ZGRF1: variants seen among roughly 807,000 people sequenced by gnomAD.
The protein encoded by ZGRF1 is zinc finger GRF-type containing 1.
ZGRF1 carries 196 observed loss-of-function variants against 203.5 expected under a neutral mutation model. That is an observed-to-expected ratio of 0.96 (90% CI 0.86 to 1.08). The LOEUF (loss-of-function observed/expected upper bound fraction) is 1.08. ZGRF1 is among the 50% of genes least tolerant of loss of function. The probability of loss-of-function intolerance (pLI) is 0.00; values close to 1 mark genes in which losing one functional copy is unlikely to be tolerated. For missense variants in ZGRF1, 2,326 were observed against 2,416.3 expected, an observed-to-expected ratio of 0.96 and a Z score of 0.78; for synonymous variants, 809 against 841.3, an observed-to-expected ratio of 0.96 and a Z score of 0.66.
At chr4:112,627,776 G>A (rs1302473373) in intron 3 of ZGRF1, among the ~76,000 whole-genome samples, 1 of 152,154 alleles carries the variant, frequency 6.6e-6, no homozygotes, top group Non-Finnish European at 1.5e-5. Flanking sequence ...AATATGATAT[G>A]TCACTCTTCT....
At position 112,541,197 on chromosome 4, in the gene ZGRF1, C is replaced by CA; in HGVS notation, c.5669dup (p.Phe1891ValfsTer29). 1 of 1,612,566 alleles carries CA rather than the reference C, an allele frequency of 6.2e-7. No homozygotes were observed. The highest frequency in any genetic ancestry group is 8.5e-7 in the Non-Finnish European group (1 of 1,179,036). ...CATTCATGAGGGCTCCTTTGTAAAA[C>CA]AGATCATTAGCAATAGCACTGATTG... On this transcript the variant is annotated frameshift_variant, in exon 25 of 28. Transcript: ENST00000505019. LOFTEE classifies it high-confidence loss of function.
intron 10 of ZGRF1, among the ~76,000 whole-genome samples, chr4:112,597,312 G>C (rs1027574736): frequency 1.3e-5 from 2 of 151,340 alleles, no homozygotes; most frequent in South Asian, 4.2e-4. Flanking sequence ...GAACACTTGA[G>C]GGCAGGAGTT....
rs1177036521 is a variant in ZGRF1 at position 112,556,260 on chromosome 4, T to C, written c.5121-1478A>G. Among the ~76,000 whole-genome samples, 3 of 152,178 alleles carry C rather than the reference T, an allele frequency of 2.0e-5. 1 individual carries two copies. In the South Asian group the frequency reaches 6.2e-4, roughly 31 times the overall value. On this transcript the variant is annotated intron_variant, in intron 20 of 27. Coordinates refer to ENST00000505019, the MANE Select transcript of ZGRF1 (RefSeq NM_018392.5). Reference sequence around the variant, plus strand: ...AAAGAATCAGAAATGGATACAGAGTTTTATGTTTAAGGATCTTTGTCATAA... The same window carrying C: ...AAAGAATCAGAAATGGATACAGAGTCTTATGTTTAAGGATCTTTGTCATAA...
chr4:112,631,922 G>T lies in ZGRF1; in HGVS notation c.102+8C>A. The stretch of plus-strand genomic sequence containing the variant: ...CTTGCACCCTATAGTCAACTGCTTT[G>T]TACTCACTTTGTTTCCTAAGTGAGT... On this transcript the variant is annotated splice_region_variant and intron_variant, in intron 3 of 27. Coordinates refer to ENST00000505019, the MANE Select transcript of ZGRF1 (RefSeq NM_018392.5). 2 of 1,555,556 alleles carry T rather than the reference G, an allele frequency of 1.3e-6. No individual in the cohort carries two copies. The highest frequency in any genetic ancestry group is 1.7e-6 in the Non-Finnish European group (2 of 1,145,196).
At chr4:112,583,536 T>C (rs1013111542) in intron 15 of ZGRF1, among the ~76,000 whole-genome samples, 1 of 152,202 alleles carries the variant, frequency 6.6e-6, no homozygotes, top group Non-Finnish European at 1.5e-5. Flanking sequence ...CCGAGCATGA[T>C]AGCTCACACC....
At chr4:112,568,711 CAAA>C (rs76531414) in intron 16 of ZGRF1, among the ~76,000 whole-genome samples, 2 of 42,844 alleles carry the variant, frequency 4.7e-5, no homozygotes, top group Non-Finnish European at 4.2e-5. Context: ...AACTCTGTCT[CAAA>C]AAAAAAAAAA....
rs765968065 is a variant in ZGRF1 at position 112,540,004 on chromosome 4, TC to T, written c.6030del (p.Thr2011GlnfsTer4). 3.7e-6 allele frequency: 6 copies of T among 1,613,590 alleles called. No individual in the cohort carries two copies. In the South Asian group the frequency reaches 5.5e-5, roughly 15 times the overall value. Reference protein sequence around the residue: ...EKEIIILSCVRTRQVGFIDSE... With the variant: ...EKEIIILSCVXTRQVGFIDSE... Reference sequence around the variant, plus strand: ...GAATCAATGAATCCTACTTGTCTTGTCCTTACACAGGACAGAATAATGATCT... The same window carrying T: ...GAATCAATGAATCCTACTTGTCTTGTCTTACACAGGACAGAATAATGATCT... On this transcript the variant is annotated frameshift_variant, in exon 27 of 28. Coordinates refer to ENST00000505019, the MANE Select transcript of ZGRF1 (RefSeq NM_018392.5). LOFTEE classifies it high-confidence loss of function.
rs780979249 is a variant in ZGRF1, at chr4:112,553,924, T to C, written c.5257A>G (p.Lys1753Glu). Reference sequence around the variant, plus strand: ...CTTTCCGTAGGAGTCAGGTCTTCTTTCATTAGTGCATGTAGTTCTTTTAAC... The same window carrying C: ...CTTTCCGTAGGAGTCAGGTCTTCTTCCATTAGTGCATGTAGTTCTTTTAAC... ...EQLKELHALM[K>E]EDLTPTERVY... The change falls in exon 22 of 28, where the codon AAA (lysine) becomes GAA (glutamate). Residue 1753 changes from lysine to glutamate, a missense_variant. Coordinates refer to ENST00000505019, the MANE Select transcript of ZGRF1 (RefSeq NM_018392.5). 6.2e-7 allele frequency: 1 copy of C among 1,613,658 alleles called. No homozygotes were observed. Among genetic ancestry groups the C allele is most frequent in the Admixed American group, 1.7e-5 (1 of 59,990 alleles).
At chr4:112,604,820 T>C (rs182733590) in intron 9 of ZGRF1, among the ~76,000 whole-genome samples, 17 of 152,274 alleles carry the variant, frequency 1.1e-4, no homozygotes, top group Non-Finnish European at 2.1e-4. Context: ...TTTTACTCCA[T>C]ACAAAGTAAA....
chr4:112,575,407 T>C (rs1437343200), intron 16 of ZGRF1, among the ~76,000 whole-genome samples: 2 of 152,088 alleles, frequency 1.3e-5, no homozygotes, highest in Non-Finnish European at 2.9e-5. Context: ...TTCATCTCAC[T>C]GGGGAGTGTT....
rs116804237 is a variant in ZGRF1, at chr4:112,544,474, G to A, written c.5598+2811C>T. Among the ~76,000 whole-genome samples, 1,246 of 152,192 alleles carry A rather than the reference G, an allele frequency of 8.2e-3. 17 individuals are homozygous for A. Among genetic ancestry groups the A allele is most frequent in the African/African-American group, 0.027 (1,120 of 41,526 alleles). Reference sequence around the variant, plus strand: ...GGCAACGGTTCCTAAGAAGAATAACGAAAAAGGGAAAGTGAACTTGACAGT... The same window carrying A: ...GGCAACGGTTCCTAAGAAGAATAACAAAAAAGGGAAAGTGAACTTGACAGT... On this transcript the variant is annotated intron_variant, in intron 24 of 27. Transcript: ENST00000505019.
chr4:112,573,554 AAATT>A (rs1744607508), intron 16 of ZGRF1, among the ~76,000 whole-genome samples: 1 of 152,176 alleles, frequency 6.6e-6, no homozygotes, highest in Admixed American at 6.6e-5. Flanking sequence ...AAAATTATGG[AAATT>A]AATAATAAAG....
rs541635226 is a variant in ZGRF1 at position 112,572,497 on chromosome 4, A to G, written c.4438+9166T>C. On this transcript the variant is annotated intron_variant, in intron 16 of 27. Coordinates refer to ENST00000505019, the MANE Select transcript of ZGRF1 (RefSeq NM_018392.5). ...TGACTTTGGCTTAGGCTAAGACTTC[A>G]TGACCAAAAACCCAAAAGCAAATAC... Among the ~76,000 whole-genome samples the G allele has an allele frequency of 3.3e-5, 5 of 152,344 alleles. No individual in the cohort carries two copies. The East Asian group carries it at 7.7e-4, about 23-fold the overall frequency.
chr4:112,580,796 G>T (rs1353109940), intron 16 of ZGRF1, among the ~76,000 whole-genome samples: 4 of 152,012 alleles, frequency 2.6e-5, no homozygotes, highest in Non-Finnish European at 5.9e-5. Flanking sequence ...TGGAGAGGAT[G>T]TGGAGAAATA....
At chr4:112,617,233 A>G (rs776346213) in intron 6 of ZGRF1, among the ~76,000 whole-genome samples, 1 of 152,214 alleles carries the variant, frequency 6.6e-6, no homozygotes, top group African/African-American at 2.4e-5. Context: ...AACTGTAGCT[A>G]ATTCTGAAGG....
intron 8 of ZGRF1, among the ~76,000 whole-genome samples, chr4:112,607,186 G>A (rs914984173): frequency 7.9e-5 from 12 of 152,070 alleles, no homozygotes; most frequent in East Asian, 3.9e-4. Context: ...GTGCAGTGGC[G>A]CAATCGTTGT....
rs114486997 is a variant in ZGRF1, at chr4:112,552,722, C to A, written c.5346+1113G>T. Among the ~76,000 whole-genome samples, 962 of 152,242 alleles carry A rather than the reference C, an allele frequency of 6.3e-3. 17 individuals carry two copies. The highest frequency in any genetic ancestry group is 0.021 in the African/African-American group (863 of 41,538). On this transcript the variant is annotated intron_variant, in intron 22 of 27. Coordinates refer to ENST00000505019, the MANE Select transcript of ZGRF1 (RefSeq NM_018392.5). ...TATTATTTTCAGTTTCTCCTTCCCG[C>A]CCTAGGAAAGTATTATTACATATCC...
At chr4:112,603,426 A>C (rs935725416) in intron 10 of ZGRF1, 98 bp downstream of exon 10, 4 of 737,662 alleles carry the variant, frequency 5.4e-6, no homozygotes, top group Non-Finnish European at 8.4e-6. Flanking sequence ...ACTCCTTTTT[A>C]ACTTATAACT....
At chr4:112,549,682 C>T (rs991272023) in intron 22 of ZGRF1, among the ~76,000 whole-genome samples, 1 of 151,968 alleles carries the variant, frequency 6.6e-6, no homozygotes, top group African/African-American at 2.4e-5. Context: ...CAGTTACGTA[C>T]AGTTCATAAT....
Sources: allele counts gnomAD v4.1 joint callset (sites outside exome capture counted in the v4.1 genomes callset), GRCh38; gene constraint gnomAD v4.1.1; transcripts MANE v1.5; gene names NCBI Gene and HGNC (gene_info 2026-07-23, HGNC 2026-07-21).